Variants in TSHZ2 observed in about 807,000 individuals in gnomAD.
The protein encoded by TSHZ2 is teashirt zinc finger homeobox 2.
Under a neutral mutation model 74.4 loss-of-function variants are expected in TSHZ2, and 21 were observed. The observed-to-expected ratio is 0.28, with a 90% CI of 0.20 to 0.41. The LOEUF is 0.41. Among genes scored for constraint, TSHZ2 ranks in the 10% least tolerant of loss-of-function variants. The probability of loss-of-function intolerance (pLI) is 1.00; values close to 1 mark genes in which losing one functional copy is unlikely to be tolerated. For missense variants in TSHZ2, 1,244 were observed against 1,293.5 expected (o/e 0.96, Z 0.59); for synonymous variants, 540 against 515.3 (o/e 1.05, Z -0.65).
intron 1 of TSHZ2, chr20:53,185,577 G>A (rs921876772): frequency 5.8e-5 from 87 of 1,507,000 alleles, no homozygotes; most frequent in Non-Finnish European, 7.3e-5. Context: ...CTGAGATCAC[G>A]CCACTGCACT....
intron 1 of TSHZ2, among the ~76,000 whole-genome samples, chr20:53,069,802 GA>G (rs1350004197): frequency 1.3e-5 from 2 of 151,452 alleles, no homozygotes; most frequent in African/African-American, 4.8e-5. Flanking sequence ...TTGGATGCTT[GA>G]AAAAAAGATG....
chr20:53,456,861 T>C (rs1449750675), intron 2 of TSHZ2, among the ~76,000 whole-genome samples: 1 of 64,698 alleles, frequency 1.5e-5, no homozygotes. Context: ...AAAGATCAGA[T>C]AGTTGTAGAT....
intron 2 of TSHZ2, among the ~76,000 whole-genome samples, chr20:53,265,149 G>A (rs1310921345): frequency 6.6e-6 from 1 of 152,112 alleles, no homozygotes; most frequent in East Asian, 1.9e-4. Flanking sequence ...CAGGGGTGGG[G>A]GAGATGGGGA....
chr20:53,097,364 C>A (rs1280193107), intron 1 of TSHZ2, among the ~76,000 whole-genome samples: 2 of 152,092 alleles, frequency 1.3e-5, no homozygotes, highest in Non-Finnish European at 2.9e-5. Flanking sequence ...GTATCAAGGC[C>A]AGATATAATA....
chr20:53,005,318 AAAT>A (rs1982602502), intron 1 of TSHZ2, among the ~76,000 whole-genome samples: 1 of 152,096 alleles, frequency 6.6e-6, no homozygotes, highest in African/African-American at 2.4e-5. Flanking sequence ...TCTCAAAAGT[AAAT>A]AAATAAATAA....
intron 2 of TSHZ2, among the ~76,000 whole-genome samples, chr20:53,403,354 A>G (rs1982736801): frequency 6.6e-6 from 1 of 152,232 alleles, no homozygotes. Context: ...AACCCAGATT[A>G]CAACAAAAAA....
intron 1 of TSHZ2, among the ~76,000 whole-genome samples, chr20:53,035,066 A>T (rs1213807664): frequency 6.6e-6 from 1 of 152,134 alleles, no homozygotes. Context: ...GGCATGAACG[A>T]CTTAGGACGT....
At chr20:53,355,256 A>G (rs1980801951) in intron 2 of TSHZ2, among the ~76,000 whole-genome samples, 1 of 152,210 alleles carries the variant, frequency 6.6e-6, no homozygotes, top group Admixed American at 6.5e-5. Flanking sequence ...CCTGGGAGAC[A>G]AGAGCCCTCC....
At chr20:53,313,400 A>G (rs1056786862) in intron 2 of TSHZ2, among the ~76,000 whole-genome samples, 4 of 152,228 alleles carry the variant, frequency 2.6e-5, no homozygotes, top group African/African-American at 9.6e-5. Context: ...ACTCAGGGTC[A>G]TAGTCATGAA....
chr20:53,330,322 C>T (rs946720823), intron 2 of TSHZ2, among the ~76,000 whole-genome samples: 2 of 152,176 alleles, frequency 1.3e-5, no homozygotes, highest in African/African-American at 2.4e-5. Flanking sequence ...AAAGCCAAAG[C>T]TAGTTCAGAT....
rs1022350565 is a variant in TSHZ2 at position 52,972,663 on chromosome 20, TC to T, written c.-625del. The T allele has an allele frequency of 1.5e-5, 2 of 137,234 alleles. No individual in the cohort carries two copies. The highest frequency in any genetic ancestry group is 3.1e-5 in the Non-Finnish European group (2 of 64,606). 8.5% of individuals were successfully genotyped at this position (137,234 alleles called of 1,614,324 possible). A position where few individuals can be genotyped will look rare whatever the true frequency, so the allele number is the denominator to read the frequency against. On this transcript the variant is annotated 5_prime_UTR_variant, in exon 1 of 3. Transcript: ENST00000371497. ...ACAAACCTACAGTGAGTGATCGCTC[TC>T]CCCCCGGCACGAATCCGCCATAGAG...
intron 2 of TSHZ2, among the ~76,000 whole-genome samples, chr20:53,408,265 G>T (rs539140199): frequency 6.6e-6 from 1 of 152,228 alleles, no homozygotes; most frequent in African/African-American, 2.4e-5. Flanking sequence ...TCTTCATCCT[G>T]ATGTCCCCAG....
chr20:53,227,564 TTG>T (rs1989714043), intron 1 of TSHZ2, among the ~76,000 whole-genome samples: 1 of 152,000 alleles, frequency 6.6e-6, no homozygotes, highest in Non-Finnish European at 1.5e-5. Context: ...AGTGATTTAA[TTG>T]TTTCTTATCT....
chr20:53,254,769 C>T lies in TSHZ2; in HGVS notation c.1311C>T (p.Asn437=). Residue 437 remains asparagine (N), a synonymous_variant, in exon 2 of 3, where the codon AAC becomes AAT. Transcript: ENST00000371497. ...TGCAGTCGTTGTCTGAGGCCCCAAACAGTGATTCTCTGGCTCCCAAGCCAT... is the reference window on the plus strand; with the variant it reads ...TGCAGTCGTTGTCTGAGGCCCCAAATAGTGATTCTCTGGCTCCCAAGCCAT... ...EKMQSLSEAP[N]SDSLAPKPSS... is the part of the protein sequence containing the mutation. 6.2e-7 allele frequency: 1 copy of T among 1,613,284 alleles called. No homozygotes were observed. The highest frequency in any genetic ancestry group is 8.5e-7 in the Non-Finnish European group (1 of 1,179,420).
At chr20:53,145,274 G>A (rs1054092481) in intron 1 of TSHZ2, among the ~76,000 whole-genome samples, 1 of 152,206 alleles carries the variant, frequency 6.6e-6, no homozygotes, top group African/African-American at 2.4e-5. Flanking sequence ...GAGAGTTGGA[G>A]GAGGACCAGG....
At chr20:53,131,668 GA>G (rs1987103903) in intron 1 of TSHZ2, among the ~76,000 whole-genome samples, 1 of 150,898 alleles carries the variant, frequency 6.6e-6, no homozygotes, top group South Asian at 2.1e-4. Flanking sequence ...TCTAGATTTT[GA>G]AAAAGAAAAG....
At chr20:53,224,517 C>G (rs1427589363) in intron 1 of TSHZ2, among the ~76,000 whole-genome samples, 1 of 152,122 alleles carries the variant, frequency 6.6e-6, no homozygotes, top group South Asian at 2.1e-4. Context: ...GGGAGAATAA[C>G]TGTGAAATGT....
chr20:53,389,384 G>A (rs1182629051), intron 2 of TSHZ2, among the ~76,000 whole-genome samples: 1 of 152,214 alleles, frequency 6.6e-6, no homozygotes, highest in Admixed American at 6.5e-5. Context: ...TCTATTGCTT[G>A]TTGAAAGGGT....
intron 1 of TSHZ2, among the ~76,000 whole-genome samples, chr20:53,087,446 C>G (rs1481433358): frequency 6.6e-6 from 1 of 152,212 alleles, no homozygotes; most frequent in African/African-American, 2.4e-5. Context: ...TTAGCTCTGA[C>G]AGTCGGCTCA....
Sources: gnomAD v4.1 joint callset for allele counts (sites outside exome capture counted in the v4.1 genomes callset) on GRCh38, gnomAD v4.1.1 for gene constraint, MANE v1.5 for transcripts, NCBI Gene and HGNC (gene_info 2026-07-23, HGNC 2026-07-21) for gene names.